USP47: variants seen among roughly 807,000 people sequenced by gnomAD.
The protein encoded by USP47 is ubiquitin carboxyl-terminal hydrolase 47.
USP47 carries 35 observed loss-of-function variants against 165.1 expected under a neutral mutation model. The ratio of observed to expected loss-of-function variants is 0.21; its 90% confidence interval spans 0.16 to 0.28. The LOEUF is 0.28. Among genes scored for constraint, USP47 ranks in the 10% least tolerant of loss-of-function variants. USP47 has a pLI of 1.00. For synonymous variants in USP47, 531 were observed against 544.5 expected, an observed-to-expected ratio of 0.98 and a Z score of 0.35; for missense variants, 1,277 against 1,607.4, an observed-to-expected ratio of 0.79 and a Z score of 3.52.
chr11:11,864,303 G>C (rs2134208540), intron 1 of USP47, among the ~76,000 whole-genome samples: 1 of 152,110 alleles, frequency 6.6e-6, no homozygotes, highest in Admixed American at 6.5e-5. Flanking sequence ...TGTGTTGGCA[G>C]TTTTGCTTCT....
At chr11:11,890,601 G>A (rs1040630997) in intron 3 of USP47, among the ~76,000 whole-genome samples, 2 of 152,218 alleles carry the variant, frequency 1.3e-5, no homozygotes, top group Admixed American at 6.5e-5. Flanking sequence ...AAATAATGTG[G>A]TCATTCCTCA....
In USP47 at chr11:11,959,312, C is replaced by T. The variant is rs999665652; in HGVS notation, c.*3137C>T. 2 of 152,156 alleles carry T rather than the reference C, an allele frequency of 1.3e-5. No individual in the cohort carries two copies. The highest frequency in any genetic ancestry group is 4.8e-5 in the African/African-American group (2 of 41,438). The allele number at this position is 152,156 out of a possible 1,614,324, so 9.4% of individuals were successfully genotyped here. On this transcript the variant is annotated 3_prime_UTR_variant, in exon 28 of 28. Coordinates refer to ENST00000527733, the MANE Select transcript of USP47 (RefSeq NM_001282659.2). ...CAAGTTTTTTGTTTGCTGAATAAAACTATTCCATCTTAACAATTCTGTGTA... is the reference window on the plus strand; with the variant it reads ...CAAGTTTTTTGTTTGCTGAATAAAATTATTCCATCTTAACAATTCTGTGTA...
At chr11:11,896,338 C>A (rs1851845528) in intron 4 of USP47, among the ~76,000 whole-genome samples, 2 of 152,148 alleles carry the variant, frequency 1.3e-5, no homozygotes, top group Non-Finnish European at 2.9e-5. Flanking sequence ...TAGTAGTATT[C>A]ATTTACCTTG....
intron 1 of USP47, among the ~76,000 whole-genome samples, chr11:11,863,521 A>T (rs1294505370): frequency 6.6e-6 from 1 of 152,186 alleles, no homozygotes; most frequent in East Asian, 1.9e-4. Flanking sequence ...ATTTTAAGTA[A>T]ACAACGTGAA....
intron 1 of USP47, among the ~76,000 whole-genome samples, chr11:11,852,865 G>A (rs1194001810): frequency 1.3e-5 from 2 of 152,142 alleles, no homozygotes; most frequent in South Asian, 2.1e-4. Flanking sequence ...ATTAGTTGCT[G>A]TTCCTCAGAT....
At chr11:11,912,631 A>T in intron 8 of USP47, among the ~76,000 whole-genome samples, 1 of 152,092 alleles carries the variant, frequency 6.6e-6, no homozygotes, top group Non-Finnish European at 1.5e-5. Flanking sequence ...GGTCTGTACA[A>T]TTTCTTTTCA....
chr11:11,925,265 G>C (rs1854152825), intron 11 of USP47, among the ~76,000 whole-genome samples: 1 of 151,694 alleles, frequency 6.6e-6, no homozygotes, highest in African/African-American at 2.4e-5. Context: ...CGGCCACCAC[G>C]CCCAGCTAAT....
chr11:11,944,293 T>A (rs1855678360), intron 20 of USP47, among the ~76,000 whole-genome samples: 1 of 151,740 alleles, frequency 6.6e-6, no homozygotes, highest in Non-Finnish European at 1.5e-5. Flanking sequence ...GCTATGATGC[T>A]TGTAGTCTCA....
intron 4 of USP47, among the ~76,000 whole-genome samples, chr11:11,892,343 T>C (rs1851568956): frequency 2.0e-5 from 3 of 151,860 alleles, no homozygotes; most frequent in African/African-American, 7.3e-5. Flanking sequence ...TTGAATATTA[T>C]GTTTTTAAGG....
At chr11:11,928,763 T>C (rs1165270876) in intron 11 of USP47, among the ~76,000 whole-genome samples, 1 of 152,084 alleles carries the variant, frequency 6.6e-6, no homozygotes, top group Non-Finnish European at 1.5e-5. Flanking sequence ...TAAGTCATTA[T>C]AAATGACCTC....
intron 1 of USP47, among the ~76,000 whole-genome samples, chr11:11,850,322 T>C (rs1208768707): frequency 6.6e-6 from 1 of 151,936 alleles, no homozygotes; most frequent in Non-Finnish European, 1.5e-5. Context: ...TTTCTTTGCT[T>C]TCTGGGAGAT....
At chr11:11,845,056 A>C (rs553713066) in intron 1 of USP47, among the ~76,000 whole-genome samples, 1 of 152,224 alleles carries the variant, frequency 6.6e-6, no homozygotes, top group Non-Finnish European at 1.5e-5. Flanking sequence ...TCTGTGACAC[A>C]TGAAAATAAT....
Position 11,961,605 on chromosome 11 carries a change from C to T in USP47, c.*5430C>T, listed in dbSNP as rs755940935. On this transcript the variant is annotated 3_prime_UTR_variant, in exon 28 of 28. Transcript: ENST00000527733. Reference sequence around the variant, plus strand: ...AGATGGCTGCCCCAGAGCCAAATGTCGCTTCCTGAGCACCATACTCAAAGG... The same window carrying T: ...AGATGGCTGCCCCAGAGCCAAATGTTGCTTCCTGAGCACCATACTCAAAGG... Among the ~76,000 whole-genome samples the T allele has an allele frequency of 3.3e-5, 5 of 152,196 alleles. No individual in the cohort carries two copies. Among genetic ancestry groups the T allele is most frequent in the Admixed American group, 1.3e-4 (2 of 15,284 alleles).
intron 4 of USP47, among the ~76,000 whole-genome samples, chr11:11,892,679 G>C (rs1483286376): frequency 1.3e-5 from 2 of 151,646 alleles, no homozygotes; most frequent in Non-Finnish European, 2.9e-5. Flanking sequence ...AGCTGGGCAT[G>C]GTCGCTGTTG....
chr11:11,915,223 C>T (rs1050461895), intron 8 of USP47, among the ~76,000 whole-genome samples: 1 of 152,104 alleles, frequency 6.6e-6, no homozygotes, highest in African/African-American at 2.4e-5. Flanking sequence ...TGAAAAAAGC[C>T]AATCTCAAAA....
chr11:11,929,818 C>G (rs1180073842), intron 12 of USP47, among the ~76,000 whole-genome samples: 4 of 152,104 alleles, frequency 2.6e-5, no homozygotes. Context: ...TGGGCCTGAA[C>G]CTTCATAGGT....
chr11:11,867,645 A>G (rs1849768201), intron 1 of USP47, among the ~76,000 whole-genome samples: 1 of 152,190 alleles, frequency 6.6e-6, no homozygotes, highest in Non-Finnish European at 1.5e-5. Context: ...TGTGGATGTC[A>G]TCTACTGTAT....
chr11:11,900,154 C>CTTTTTTTTTTTTTTTTT (rs1042565841), intron 5 of USP47, among the ~76,000 whole-genome samples: 2 of 99,078 alleles, frequency 2.0e-5, no homozygotes, highest in African/African-American at 4.2e-5. Context: ...ATTTTCTTCA[C>CTTTTTTTTTTTTTTTTT]TTTTTTTTTT....
chr11:11,848,848 A>AT (rs1848573545), intron 1 of USP47, among the ~76,000 whole-genome samples: 1 of 152,136 alleles, frequency 6.6e-6, no homozygotes, highest in African/African-American at 2.4e-5. Flanking sequence ...TGACCTCGTG[A>AT]TACGCCTGCC....
Sources: gnomAD v4.1 joint callset for allele counts (sites outside exome capture counted in the v4.1 genomes callset) on GRCh38, gnomAD v4.1.1 for gene constraint, MANE v1.5 for transcripts, NCBI Gene and HGNC (gene_info 2026-07-23, HGNC 2026-07-21) for gene names.